AHCY: variants seen among roughly 807,000 people sequenced by gnomAD.
AHCY encodes the protein S-adenosyl-L-homocysteine hydrolase.
In AHCY, 24 loss-of-function variants were observed where a neutral mutation model predicts 45.4. That is an observed-to-expected ratio of 0.53 (90% CI 0.38 to 0.74). The LOEUF (loss-of-function observed/expected upper bound fraction) is 0.74, where lower values mean the gene tolerates loss of function less well. Among genes scored for constraint, AHCY ranks in the 30% least tolerant of loss-of-function variants. The probability of loss-of-function intolerance (pLI) is 0.00; values close to 1 mark genes in which losing one functional copy is unlikely to be tolerated. For missense variants in AHCY, 449 were observed against 594.1 expected (o/e 0.76, Z 2.54); for synonymous variants, 245 against 235.1 (o/e 1.04, Z -0.39).
chr20:34,303,309 G>T lies in AHCY; in HGVS notation c.-39C>A, dbSNP rs1377713103. ...GTGATGGAAACGGGCGAAGGGGGCT[G>T]GGCCTCAGTCTGGGAACAGGAACTG... On this transcript the variant is annotated 5_prime_UTR_variant, in exon 1 of 10. Coordinates refer to ENST00000217426, the MANE Select transcript of AHCY (RefSeq NM_000687.4). 1 of 1,551,572 alleles carries T rather than the reference G, an allele frequency of 6.4e-7. No individual in the cohort carries two copies. Among genetic ancestry groups the T allele is most frequent in the African/African-American group, 1.4e-5 (1 of 73,068 alleles).
the AHCY span, among the ~76,000 whole-genome samples, chr20:34,244,534 A>G: frequency 1.3e-5 from 2 of 152,252 alleles, no homozygotes; most frequent in Admixed American, 6.5e-5. Flanking sequence ...TTCTTTAAAC[A>G]TATGCGTAAT....
At chr20:34,275,566 T>G (rs904907867), downstream of AHCY, among the ~76,000 whole-genome samples, 2 of 152,070 alleles carry the variant, frequency 1.3e-5, no homozygotes, top group African/African-American at 2.4e-5. Flanking sequence ...TTCTGGGGGG[T>G]TCATTTCACT....
the AHCY span, among the ~76,000 whole-genome samples, chr20:34,243,470 T>C: frequency 6.6e-6 from 1 of 151,706 alleles, no homozygotes; most frequent in South Asian, 2.1e-4. Flanking sequence ...TTCTGAATTT[T>C]TTTTTACACA....
At chr20:34,257,070 C>CTTTTTTTTTTTTTTTTTTTTTTT in the AHCY span, among the ~76,000 whole-genome samples, 8 of 139,408 alleles carry the variant, frequency 5.7e-5, no homozygotes, top group Non-Finnish European at 1.1e-4. Flanking sequence ...CTTTCTTTCT[C>CTTTTTTTTTTTTTTTTTTTTTTT]TTTTTTTTTT....
intron 8 of AHCY, chr20:34,285,879 T>A (rs2036166855): frequency 6.0e-6 from 3 of 498,540 alleles, no homozygotes; most frequent in Non-Finnish European, 7.4e-6. Context: ...GGCAGGCGGA[T>A]CATGAGGTCA....
the AHCY span, chr20:34,260,464 C>T: frequency 1.2e-6 from 2 of 1,614,132 alleles, no homozygotes; most frequent in Non-Finnish European, 1.7e-6. Flanking sequence ...AGGAGAAGCT[C>T]CGAGATGACA....
At chr20:34,270,239 G>T in the AHCY span, among the ~76,000 whole-genome samples, 1 of 150,558 alleles carries the variant, frequency 6.6e-6, no homozygotes, top group African/African-American at 2.4e-5. Flanking sequence ...GCCACAGAGT[G>T]AAACTCTGGT....
intron 2 of AHCY, chr20:34,295,077 G>C: frequency 2.3e-6 from 1 of 443,994 alleles, no homozygotes; most frequent in Non-Finnish European, 4.2e-6. Flanking sequence ...TGTGACCCCC[G>C]AAGGGCCAAG....
chr20:34,286,029 T>C, intron 8 of AHCY: 1 of 297,020 alleles, frequency 3.4e-6, no homozygotes, highest in Non-Finnish European at 6.6e-6. Context: ...GGCGTGAACC[T>C]GGGAGGTGGA....
chr20:34,305,196 A>C (rs529086185), upstream of AHCY, among the ~76,000 whole-genome samples: 4 of 148,898 alleles, frequency 2.7e-5, no homozygotes, highest in Non-Finnish European at 3.0e-5. Flanking sequence ...TGGTGTCGGG[A>C]GCCTGTAGTC....
At chr20:34,287,107 C>T (rs2036213274) in intron 8 of AHCY, among the ~76,000 whole-genome samples, 2 of 152,150 alleles carry the variant, frequency 1.3e-5, no homozygotes, top group African/African-American at 4.8e-5. Flanking sequence ...CCCAAAAGCC[C>T]AGGTTTCCAA....
At chr20:34,255,674 C>T in the AHCY span, among the ~76,000 whole-genome samples, 1 of 152,192 alleles carries the variant, frequency 6.6e-6, no homozygotes, top group South Asian at 2.1e-4. Context: ...AAAAACCAGG[C>T]CATACAGAGA....
At chr20:34,255,053 T>C in the AHCY span, among the ~76,000 whole-genome samples, 5 of 152,170 alleles carry the variant, frequency 3.3e-5, no homozygotes, top group Non-Finnish European at 7.4e-5. Flanking sequence ...TGCCTACCCA[T>C]TGTGCAGTGA....
upstream of AHCY, among the ~76,000 whole-genome samples, chr20:34,304,209 T>C (rs1051857911): frequency 6.6e-6 from 1 of 152,250 alleles, no homozygotes; most frequent in African/African-American, 2.4e-5. Flanking sequence ...TGCTTTTTTC[T>C]GTGAGCATTA....
At chr20:34,309,266 ATCTATT>A (rs1331417136) in intron 1 of AHCY, among the ~76,000 whole-genome samples, 2 of 152,042 alleles carry the variant, frequency 1.3e-5, no homozygotes, top group East Asian at 1.9e-4. Context: ...GGCCGGATTT[ATCTATT>A]TCTATCTATT....
At chr20:34,252,723 T>C in the AHCY span, among the ~76,000 whole-genome samples, 278 of 152,226 alleles carry the variant, frequency 1.8e-3, no homozygotes, top group African/African-American at 6.4e-3. Context: ...GATGGTAAGG[T>C]CTTTCCTTTC....
chr20:34,272,015 A>G, the AHCY span, among the ~76,000 whole-genome samples: 1 of 150,158 alleles, frequency 6.7e-6, no homozygotes, highest in African/African-American at 2.4e-5. Flanking sequence ...AGACTTGGGG[A>G]CCTCAAAGGA....
chr20:34,261,240 G>A, the AHCY span, among the ~76,000 whole-genome samples: 1 of 152,124 alleles, frequency 6.6e-6, no homozygotes, highest in Non-Finnish European at 1.5e-5. Context: ...GCTCACACCT[G>A]TAATCCCAGC....
intron 9 of AHCY, among the ~76,000 whole-genome samples, chr20:34,283,668 T>C (rs1464554010): frequency 6.6e-6 from 1 of 152,210 alleles, no homozygotes; most frequent in Non-Finnish European, 1.5e-5. Flanking sequence ...CAACTGGGAT[T>C]AGATGGGGAT....
Sources: gnomAD v4.1 joint callset for allele counts (sites outside exome capture counted in the v4.1 genomes callset) on GRCh38, gnomAD v4.1.1 for gene constraint, MANE v1.5 for transcripts, NCBI Gene and HGNC (gene_info 2026-07-23, HGNC 2026-07-21) for gene names.